The following KIAA1328 variants were observed in gnomAD, a reference collection of about 807,000 sequenced individuals.
KIAA1328 encodes the protein KIAA1328.
Under a neutral mutation model 68.1 loss-of-function variants are expected in KIAA1328, and 52 were observed. The ratio of observed to expected loss-of-function variants is 0.76; its 90% CI spans 0.61 to 0.96. The LOEUF is 0.96. Ranked by LOEUF, KIAA1328 falls within the 40% of genes least tolerant of loss-of-function variation. KIAA1328 has a pLI of 0.00. For missense variants in KIAA1328, 641 were observed against 677.6 expected, an observed-to-expected ratio of 0.95 and a Z score of 0.60; for synonymous variants, 232 against 239.4, an observed-to-expected ratio of 0.97 and a Z score of 0.28.
At chr18:37,070,299 G>A (rs1052137674) in intron 7 of KIAA1328, among the ~76,000 whole-genome samples, 2 of 152,090 alleles carry the variant, frequency 1.3e-5, no homozygotes, top group Non-Finnish European at 2.9e-5. Flanking sequence ...CTGCTGTTGG[G>A]TGGTGTGTTC....
chr18:37,040,464 T>C (rs2055201883), intron 6 of KIAA1328, among the ~76,000 whole-genome samples: 1 of 152,174 alleles, frequency 6.6e-6, no homozygotes, highest in African/African-American at 2.4e-5. Flanking sequence ...GTCTCTTGTT[T>C]TATTTTATTA....
chr18:37,146,288 G>A (rs2058897849), intron 7 of KIAA1328, among the ~76,000 whole-genome samples: 1 of 151,874 alleles, frequency 6.6e-6, no homozygotes. Flanking sequence ...TCCCCTCTTT[G>A]TGTCCATGTG....
At chr18:36,939,354 A>T (rs975699343) in intron 5 of KIAA1328, among the ~76,000 whole-genome samples, 2 of 151,828 alleles carry the variant, frequency 1.3e-5, no homozygotes, top group East Asian at 3.9e-4. Context: ...TTTTTATGCT[A>T]TTGTGAATAA....
chr18:37,128,427 C>G (rs1440204754), intron 7 of KIAA1328, among the ~76,000 whole-genome samples: 1 of 152,146 alleles, frequency 6.6e-6, no homozygotes, highest in East Asian at 1.9e-4. Context: ...GAGCCGAGAT[C>G]ATGCCACTGC....
chr18:37,091,227 T>C (rs2057258266), intron 7 of KIAA1328, among the ~76,000 whole-genome samples: 1 of 152,104 alleles, frequency 6.6e-6, no homozygotes, highest in Admixed American at 6.5e-5. Flanking sequence ...AAGTGTCAAA[T>C]AGAGCTTCTT....
chr18:37,103,254 T>C (rs1021845194), intron 7 of KIAA1328, among the ~76,000 whole-genome samples: 8 of 152,006 alleles, frequency 5.3e-5, no homozygotes, highest in African/African-American at 1.9e-4. Flanking sequence ...GACTTCAAGG[T>C]ATATTAGAAA....
chr18:37,088,963 C>T (rs956325557), intron 7 of KIAA1328, among the ~76,000 whole-genome samples: 1 of 152,010 alleles, frequency 6.6e-6, no homozygotes, highest in African/African-American at 2.4e-5. Context: ...AATATGTATC[C>T]TTCTAAACCT....
chr18:36,943,662 GA>G (rs2050791519), intron 5 of KIAA1328, among the ~76,000 whole-genome samples: 1 of 152,180 alleles, frequency 6.6e-6, no homozygotes, highest in Non-Finnish European at 1.5e-5. Context: ...TTGGGTGTTG[GA>G]AAACTGAATA....
chr18:36,984,242 G>C (rs184630499), intron 6 of KIAA1328, among the ~76,000 whole-genome samples: 1 of 152,226 alleles, frequency 6.6e-6, no homozygotes, highest in East Asian at 1.9e-4. Context: ...ACATTGTACT[G>C]AAAGTTTCAG....
At chr18:36,884,985 C>T (rs373902744) in intron 4 of KIAA1328, among the ~76,000 whole-genome samples, 1 of 151,368 alleles carries the variant, frequency 6.6e-6, no homozygotes, top group African/African-American at 2.4e-5. Context: ...TTTTTTTGGA[C>T]TAAGAATACA....
chr18:36,875,910 CAT>C lies in KIAA1328; in HGVS notation c.333-9646_333-9645del, dbSNP rs1217656734. 6.0e-5 allele frequency among the ~76,000 whole-genome samples: 9 copies of C among 150,600 alleles called. No individual in the cohort carries two copies. In the East Asian group the frequency reaches 1.5e-3, roughly 26 times the overall value. On this transcript the variant is annotated intron_variant, in intron 4 of 9. Transcript: ENST00000280020. Reference sequence around the variant, plus strand: ...TGAATTTTATCGAAGGCCTTTTCTGCATCTATTGAGGTAATCGTGGTTTTTGT... The same window carrying C: ...TGAATTTTATCGAAGGCCTTTTCTGCCTATTGAGGTAATCGTGGTTTTTGT...
intron 7 of KIAA1328, among the ~76,000 whole-genome samples, chr18:37,141,577 T>C (rs1377685523): frequency 4.6e-5 from 7 of 152,210 alleles, no homozygotes; most frequent in Non-Finnish European, 1.0e-4. Flanking sequence ...TACATGTCTT[T>C]AGTGGACATG....
chr18:37,109,241 G>A (rs1467903817), intron 7 of KIAA1328, among the ~76,000 whole-genome samples: 4 of 152,116 alleles, frequency 2.6e-5, no homozygotes, highest in Non-Finnish European at 4.4e-5. Context: ...ATAAACATAT[G>A]CAGACACTGG....
chr18:36,930,951 G>A (rs978455323), intron 5 of KIAA1328, among the ~76,000 whole-genome samples: 1 of 152,004 alleles, frequency 6.6e-6, no homozygotes, highest in African/African-American at 2.4e-5. Flanking sequence ...TTATTAAAGT[G>A]AACATTTTTC....
rs191394875 is a variant in KIAA1328 at position 36,970,035 on chromosome 18, G to T, written c.576+10600G>T. 2.0e-5 allele frequency among the ~76,000 whole-genome samples: 3 copies of T among 152,274 alleles called. No homozygotes were observed. In the East Asian group the frequency reaches 5.8e-4, roughly 29 times the overall value. ...AAAATTTCAGGCCAATATCCCCAAT[G>T]AACATTGATGTGAAAATCCTCAATA... On this transcript the variant is annotated intron_variant, in intron 6 of 9. Transcript: ENST00000280020.
intron 5 of KIAA1328, among the ~76,000 whole-genome samples, chr18:36,907,390 C>G (rs1363434647): frequency 6.6e-6 from 1 of 152,090 alleles, no homozygotes; most frequent in South Asian, 2.1e-4. Context: ...AAGCAAATTA[C>G]TCTCTTACCA....
Position 37,222,628 on chromosome 18 carries a change from A to C in KIAA1328, c.*401A>C. The C allele has an allele frequency of 9.7e-7, 1 of 1,033,598 alleles. No homozygotes were observed. The highest frequency in any genetic ancestry group is 1.2e-6 in the Non-Finnish European group (1 of 860,120). 64.0% of individuals were successfully genotyped at this position (1,033,598 alleles called of 1,614,324 possible). A position where few individuals can be genotyped will look rare whatever the true frequency, so the allele number is the denominator to read the frequency against. On this transcript the variant is annotated 3_prime_UTR_variant, in exon 10 of 10. Coordinates refer to ENST00000280020, the MANE Select transcript of KIAA1328 (RefSeq NM_020776.3). ...CCACTGAAAAATCCCTCTGATTTAA[A>C]AGTAACCCCTTTGAAACATAAGCAG...
chr18:37,222,277 T>A lies in KIAA1328; in HGVS notation c.*50T>A. ...ATTTGTGGGTTTCCTCACATACTGA[T>A]CTAGGATTTTAAATTATTTCATTGC... On this transcript the variant is annotated 3_prime_UTR_variant, in exon 10 of 10. Coordinates refer to ENST00000280020, the MANE Select transcript of KIAA1328 (RefSeq NM_020776.3). The A allele has an allele frequency of 2.6e-6, 4 of 1,542,968 alleles. No homozygotes were observed. Among genetic ancestry groups the A allele is most frequent in the Non-Finnish European group, 2.6e-6 (3 of 1,143,368 alleles).
rs529136571 is a variant in KIAA1328 at position 36,927,732 on chromosome 18, G to A, written c.449-31576G>A. ...GTGATCATGCCACTGCATTCCACCC[G>A]GGGTGACAGAGTGAGACCCTGTCTC... On this transcript the variant is annotated intron_variant, in intron 5 of 9. Coordinates refer to ENST00000280020, the MANE Select transcript of KIAA1328 (RefSeq NM_020776.3). Among the ~76,000 whole-genome samples, 12 of 151,810 alleles carry A rather than the reference G, an allele frequency of 7.9e-5. 1 individual carries two copies. In the South Asian group the frequency reaches 8.3e-4, roughly 11 times the overall value.
Sources: gnomAD v4.1 joint callset for allele counts (sites outside exome capture counted in the v4.1 genomes callset) on GRCh38, gnomAD v4.1.1 for gene constraint, MANE v1.5 for transcripts, NCBI Gene and HGNC (gene_info 2026-07-23, HGNC 2026-07-21) for gene names.